CUX2: variants seen among roughly 807,000 people sequenced by gnomAD.
CUX2 encodes homeobox protein cut-like 2.
A neutral mutation model predicts 144.8 loss-of-function variants in CUX2; 40 were observed. The observed-to-expected ratio is 0.28, with a 90% CI of 0.21 to 0.36. The LOEUF (loss-of-function observed/expected upper bound fraction) is 0.36. Ranked by LOEUF, CUX2 falls within the 10% of genes least tolerant of loss-of-function variation. CUX2 has a pLI of 1.00. For synonymous variants in CUX2, 827 were observed against 875.6 expected (o/e 0.94, Z 0.98); for missense variants, 1,615 against 1,994.0 (o/e 0.81, Z 3.62).
intron 1 of CUX2, among the ~76,000 whole-genome samples, chr12:111,084,874 G>A (rs1265881190): frequency 6.6e-6 from 1 of 152,094 alleles, no homozygotes; most frequent in African/African-American, 2.4e-5. Context: ...GCTGCTGCGG[G>A]GTGCAGGGGA....
chr12:111,080,294 A>G (rs1002158275), intron 1 of CUX2, among the ~76,000 whole-genome samples: 25 of 152,034 alleles, frequency 1.6e-4, no homozygotes, highest in African/African-American at 6.0e-4. Flanking sequence ...CCCCTGCTGT[A>G]TTTTCTTTCT....
intron 1 of CUX2, among the ~76,000 whole-genome samples, chr12:111,062,854 G>T (rs1870841422): frequency 6.6e-6 from 1 of 152,188 alleles, no homozygotes; most frequent in African/African-American, 2.4e-5. Context: ...AAGGCCCTGG[G>T]GTGGGAGACC....
chr12:111,290,448 G>A (rs1182058809), intron 4 of CUX2, among the ~76,000 whole-genome samples: 1 of 152,028 alleles, frequency 6.6e-6, no homozygotes, highest in Admixed American at 6.6e-5. Flanking sequence ...ATTTTTTTGA[G>A]ATGGAGCCTT....
At chr12:111,166,475 C>T (rs1454973677) in intron 1 of CUX2, among the ~76,000 whole-genome samples, 2 of 152,240 alleles carry the variant, frequency 1.3e-5, no homozygotes, top group Non-Finnish European at 2.9e-5. Flanking sequence ...TGAGCATGGA[C>T]TAAGTGCCAG....
At chr12:111,142,975 A>C (rs1190779361) in intron 1 of CUX2, among the ~76,000 whole-genome samples, 1 of 152,150 alleles carries the variant, frequency 6.6e-6, no homozygotes, top group Non-Finnish European at 1.5e-5. Flanking sequence ...GAGTGCCTAG[A>C]AGGTGTTCGC....
chr12:111,082,469 G>A (rs111779932), intron 1 of CUX2, among the ~76,000 whole-genome samples: 1,927 of 152,266 alleles, frequency 0.013, 44 homozygotes, highest in African/African-American at 0.044. Flanking sequence ...GTGTGCCAAG[G>A]ACCGTGCTGG....
chr12:111,327,195 G>A (rs1292799740), intron 18 of CUX2, among the ~76,000 whole-genome samples: 1 of 152,134 alleles, frequency 6.6e-6, no homozygotes, highest in Non-Finnish European at 1.5e-5. Context: ...TCTGTGGCTG[G>A]CTTCTTTCAG....
intron 1 of CUX2, among the ~76,000 whole-genome samples, chr12:111,185,498 C>A (rs1436035903): frequency 2.6e-5 from 4 of 152,212 alleles, no homozygotes; most frequent in Non-Finnish European, 4.4e-5. Flanking sequence ...GCTGAGCCAG[C>A]CTGCGCTTCA....
At chr12:111,138,986 C>T (rs1212006277) in intron 1 of CUX2, among the ~76,000 whole-genome samples, 2 of 151,802 alleles carry the variant, frequency 1.3e-5, no homozygotes, top group South Asian at 2.1e-4. Context: ...GGCATATCCC[C>T]GTCCCCCAAT....
intron 21 of CUX2, among the ~76,000 whole-genome samples, chr12:111,346,288 C>A (rs1888802616): frequency 6.6e-6 from 1 of 151,870 alleles, no homozygotes. Flanking sequence ...CCAGCCTGAC[C>A]AACATGGTGA....
At chr12:111,250,933 T>A (rs1299483578) in intron 3 of CUX2, among the ~76,000 whole-genome samples, 1 of 152,234 alleles carries the variant, frequency 6.6e-6, no homozygotes, top group East Asian at 1.9e-4. Flanking sequence ...ACTTCTGCCC[T>A]GGTCTCATCT....
At chr12:111,224,451 C>T (rs1015883857) in intron 3 of CUX2, among the ~76,000 whole-genome samples, 1 of 151,914 alleles carries the variant, frequency 6.6e-6, no homozygotes, top group Admixed American at 6.6e-5. Context: ...CCTGTGCCCC[C>T]CTTCTGCTCC....
At chr12:111,095,843 C>G (rs1418302325) in intron 1 of CUX2, among the ~76,000 whole-genome samples, 4 of 152,232 alleles carry the variant, frequency 2.6e-5, no homozygotes, top group Non-Finnish European at 5.9e-5. Flanking sequence ...TCAACCCTTT[C>G]AATGTCTCAA....
intron 1 of CUX2, among the ~76,000 whole-genome samples, chr12:111,148,207 A>G (rs1014743639): frequency 1.3e-5 from 2 of 152,210 alleles, no homozygotes; most frequent in African/African-American, 4.8e-5. Flanking sequence ...TTAAACAGGA[A>G]GGAAATTCTG....
chr12:111,135,135 A>G (rs2136114795), intron 1 of CUX2, among the ~76,000 whole-genome samples: 1 of 151,966 alleles, frequency 6.6e-6, no homozygotes. Flanking sequence ...TATTTTAGAG[A>G]GAAAGACTGT....
In CUX2 at chr12:111,231,981, C is replaced by A. The variant is rs535962639; in HGVS notation, c.222+14044C>A. Among the ~76,000 whole-genome samples the A allele has an allele frequency of 3.3e-5, 5 of 152,198 alleles. No individual in the cohort carries two copies. In the East Asian group the frequency reaches 5.8e-4, roughly 18 times the overall value. On this transcript the variant is annotated intron_variant, in intron 3 of 21. Transcript: ENST00000261726. Reference sequence around the variant, plus strand: ...ATTAGCTGGGTGTGGTGGTGCGCCCCTGTAGTCTCAACTACTCGAGAGGCT... The same window carrying A: ...ATTAGCTGGGTGTGGTGGTGCGCCCATGTAGTCTCAACTACTCGAGAGGCT...
chr12:111,333,233 A>G (rs2136431516), intron 18 of CUX2, among the ~76,000 whole-genome samples: 1 of 151,986 alleles, frequency 6.6e-6, no homozygotes, highest in South Asian at 2.1e-4. Flanking sequence ...AAAAAAGAAA[A>G]GTGAGCCAGG....
chr12:111,218,263 C>T (rs914961610), intron 3 of CUX2, among the ~76,000 whole-genome samples: 1 of 152,154 alleles, frequency 6.6e-6, no homozygotes, highest in African/African-American at 2.4e-5. Flanking sequence ...CCTGTAATCC[C>T]AGTGCTTTGG....
chr12:111,264,919 G>A (rs571752017), intron 4 of CUX2, among the ~76,000 whole-genome samples: 3 of 152,280 alleles, frequency 2.0e-5, no homozygotes, highest in African/African-American at 7.2e-5. Context: ...GTTGCCCGGG[G>A]CTGGGGAGGG....
Sources: allele counts gnomAD v4.1 joint callset (sites outside exome capture counted in the v4.1 genomes callset), GRCh38; gene constraint gnomAD v4.1.1; transcripts MANE v1.5; gene names NCBI Gene and HGNC (gene_info 2026-07-23, HGNC 2026-07-21).